RNF19B: variants seen among roughly 807,000 people sequenced by gnomAD.
The protein encoded by RNF19B is ring finger protein 19B.
In RNF19B, 23 loss-of-function variants were observed where a neutral mutation model predicts 65.5. That is an observed-to-expected ratio of 0.35 (90% confidence interval 0.25 to 0.50). The LOEUF (loss-of-function observed/expected upper bound fraction) is 0.50. Among genes scored for constraint, RNF19B ranks in the 20% least tolerant of loss-of-function variants. RNF19B has a pLI of 0.98. For synonymous variants in RNF19B, 372 were observed against 379.6 expected, an observed-to-expected ratio of 0.98 and a Z score of 0.23; for missense variants, 794 against 980.0, an observed-to-expected ratio of 0.81 and a Z score of 2.53.
At chr1:32,957,761 G>A (rs1390048813) in intron 1 of RNF19B, among the ~76,000 whole-genome samples, 2 of 152,184 alleles carry the variant, frequency 1.3e-5, no homozygotes, top group African/African-American at 2.4e-5. Flanking sequence ...TTGAACCCGA[G>A]AGGCAGAGGT....
intron 1 of RNF19B, among the ~76,000 whole-genome samples, chr1:32,950,334 G>C (rs1557574936): frequency 6.6e-6 from 1 of 152,154 alleles, no homozygotes; most frequent in Non-Finnish European, 1.5e-5. Context: ...TGGAGGTGGA[G>C]TATCTTATTT....
Position 32,936,894 on chromosome 1 carries a change from G to A in RNF19B, c.2108C>T (p.Ala703Val), listed in dbSNP as rs146339486. ...ACPSTPRAQG[A>V]PSPSAHMNLS... ...GTTCATATGGGCACTTGGGCTCGGTGCACCTTGGGCTCTGGGGGTCGAGGG... is the reference window on the plus strand; with the variant it reads ...GTTCATATGGGCACTTGGGCTCGGTACACCTTGGGCTCTGGGGGTCGAGGG... Residue 703 changes from alanine (A) to valine (V), a missense_variant, in exon 9 of 9, where the codon GCA becomes GTA. Ala to Val is a moderately conservative substitution (Grantham distance 64). Transcript: ENST00000235150. 8.7e-6 allele frequency: 14 copies of A among 1,613,690 alleles called. No individual in the cohort carries two copies. The highest frequency in any genetic ancestry group is 2.2e-5 in the East Asian group (1 of 44,874).
intron 1 of RNF19B, among the ~76,000 whole-genome samples, chr1:32,959,496 T>A (rs145782056): frequency 6.6e-6 from 1 of 152,310 alleles, no homozygotes; most frequent in African/African-American, 2.4e-5. Context: ...AAAGATCAAT[T>A]GTACCAATTA....
intron 7 of RNF19B, among the ~76,000 whole-genome samples, 160 bp downstream of exon 7, chr1:32,942,092 G>A (rs194643): frequency 0.19 from 28,512 of 152,126 alleles, 3,276 homozygotes; most frequent in East Asian, 0.33. Context: ...GTGAGACTCT[G>A]TCTTTAAAAA....
chr1:32,942,300 C>T lies in RNF19B; in HGVS notation c.1562G>A (p.Gly521Asp). ...GGAGAGAATGCCGCCACTCAGCGTG[C>T]CCCCTGAGAGGGCTGCAAAGCTGGC... ...ETASFAALSG[G>D]TLSGGILSSG... The change falls in exon 7 of 9, where the codon GGC becomes GAC. Residue 521 changes from glycine (G) to aspartate (D), a missense_variant. By Grantham distance (94) the Gly-to-Asp change is moderately conservative. Transcript: ENST00000235150. 1.9e-6 allele frequency: 3 copies of T among 1,613,592 alleles called. No homozygotes were observed. Among genetic ancestry groups the T allele is most frequent in the Non-Finnish European group, 2.5e-6 (3 of 1,179,510 alleles).
chr1:32,956,767 A>G (rs996488963), intron 1 of RNF19B, among the ~76,000 whole-genome samples: 1 of 152,088 alleles, frequency 6.6e-6, no homozygotes, highest in Non-Finnish European at 1.5e-5. Flanking sequence ...TATAAATTTG[A>G]TTATGCTCCA....
At chr1:32,944,207 G>A in intron 5 of RNF19B, 48 bp from the exon 6 acceptor site, 1 of 1,561,670 alleles carries the variant, frequency 6.4e-7, no homozygotes, top group Non-Finnish European at 8.7e-7. Context: ...GGTTGCAAGT[G>A]CCCTGAATTC....
intron 3 of RNF19B, 82 bp from the exon 4 acceptor site, chr1:32,946,646 C>T (rs1642373277): frequency 8.0e-7 from 1 of 1,245,286 alleles, no homozygotes. Flanking sequence ...CAGCAACAGC[C>T]TTCTTTTCAG....
downstream of RNF19B, among the ~76,000 whole-genome samples, chr1:32,934,766 T>G (rs1031978539): frequency 6.6e-6 from 1 of 152,212 alleles, no homozygotes; most frequent in African/African-American, 2.4e-5. Flanking sequence ...AGATTTGGAA[T>G]CTGACATCAG....
Position 32,964,066 on chromosome 1 carries a change from G to A in RNF19B, c.620C>T (p.Pro207Leu). ...CCGCGCTCACCCGCAGTCCGGGGCC[G>A]GGCACCAGCGGCAGTCGGGGTCCGA... ...LASDPDCRWC[P>L]APDCGYAVIA... The change falls in exon 1 of 9, where the codon CCG (proline) becomes CTG (leucine). Residue 207 changes from proline (P) to leucine (L), a missense_variant. By Grantham distance (98) the Pro-to-Leu change is moderately conservative. Transcript: ENST00000235150. This position sits in a 1 kb window ranked among gnomAD's most constrained non-coding sequence, Gnocchi z 6.5. 6.6e-7 allele frequency: 1 copy of A among 1,515,068 alleles called. No homozygotes were observed. Among genetic ancestry groups the A allele is most frequent in the Non-Finnish European group, 8.8e-7 (1 of 1,132,084 alleles). The allele number at this position is 1,515,068 out of a possible 1,614,324, so 93.9% of individuals were successfully genotyped here.
In RNF19B at chr1:32,964,117, T is replaced by C. The variant is rs781711792; in HGVS notation, c.569A>G (p.Glu190Gly). ...GGCTAGGTAGCGGCGCAGCATGAAC[T>C]CCTCGTACTTGTGCATAAGCGGCGG... is the stretch of plus-strand genomic sequence containing the variant. ...ADPPLMHKYE[E>G]FMLRRYLASD... The change falls in exon 1 of 9, where the codon GAG becomes GGG. Residue 190 changes from glutamate (E) to glycine (G), a missense_variant. Physicochemically the swap from Glu to Gly is moderately conservative, Grantham distance 98 (BLOSUM62 -2). Transcript: ENST00000235150. This position sits in a 1 kb window ranked among gnomAD's most constrained non-coding sequence, Gnocchi z 6.5. 1 of 1,538,508 alleles carries C rather than the reference T, an allele frequency of 6.5e-7. No homozygotes were observed.
chr1:32,948,454 G>A, intron 2 of RNF19B, 91 bp from the exon 3 acceptor site: 1 of 1,379,330 alleles, frequency 7.2e-7, no homozygotes, highest in Non-Finnish European at 9.9e-7. Flanking sequence ...TATAAGAAAT[G>A]AGGCAGCAGT....
At chr1:32,952,748 CAA>C (rs36076202) in intron 1 of RNF19B, among the ~76,000 whole-genome samples, 47,047 of 130,784 alleles carry the variant, frequency 0.36, 7,913 homozygotes, top group Admixed American at 0.45. Context: ...GACTCCATCT[CAA>C]AAAAAAAAAA....
At chr1:32,929,114 C>T in the RNF19B span, among the ~76,000 whole-genome samples, 381 of 152,220 alleles carry the variant, frequency 2.5e-3, 1 homozygote, top group Non-Finnish European at 4.8e-3. Flanking sequence ...TGGTTCCTTC[C>T]GCGGGCTGTG....
rs778536255 is a variant in RNF19B, at chr1:32,938,366, A to G, written c.1742+31T>C. 44 of 1,613,672 alleles carry G rather than the reference A, an allele frequency of 2.7e-5. 1 individual carries two copies. The South Asian group carries it at 4.6e-4, about 17-fold the overall frequency. Reference sequence around the variant, plus strand: ...ACCTAGTACCCAACGAAAAAATGCAACCTCTCCTGGACATCTGACTGTTCA... The same window carrying G: ...ACCTAGTACCCAACGAAAAAATGCAGCCTCTCCTGGACATCTGACTGTTCA... On this transcript the variant is annotated intron_variant, in intron 8 of 8. Transcript: ENST00000235150.
rs1267508799 is a variant in RNF19B, at chr1:32,964,269, G to A, written c.417C>T (p.His139=). 8 of 1,538,012 alleles carry A rather than the reference G, an allele frequency of 5.2e-6. No individual in the cohort carries two copies. Among genetic ancestry groups the A allele is most frequent in the South Asian group, 2.4e-5 (2 of 83,140 alleles). ...GGCGGAGGCAGTCCCGGCACGAGCG[G>A]TGCGGACAGCTGAGGAGGCGCGGGG... The part of the protein sequence containing the change: ...ERAPRLLSCP[H]RSCRDCLRHY... The change falls in exon 1 of 9, where the codon CAC becomes CAT. Residue 139 remains histidine (H), a synonymous_variant. Coordinates refer to ENST00000235150, the MANE Select transcript of RNF19B (RefSeq NM_001300826.2). The surrounding 1 kb of genome is among the most constrained non-coding windows in gnomAD (Gnocchi z 6.5).
intron 1 of RNF19B, among the ~76,000 whole-genome samples, chr1:32,955,414 T>C (rs1039571088): frequency 6.6e-6 from 1 of 151,770 alleles, no homozygotes; most frequent in Admixed American, 6.6e-5. Flanking sequence ...AATACGGTAA[T>C]CTTCTTCCCG....
chr1:32,962,909 C>T (rs899544878), intron 1 of RNF19B, among the ~76,000 whole-genome samples: 1 of 152,084 alleles, frequency 6.6e-6, no homozygotes, highest in South Asian at 2.1e-4. Context: ...GCGGGGAGGG[C>T]GAGGAAGGTC....
At chr1:32,958,496 C>G (rs572993458) in intron 1 of RNF19B, among the ~76,000 whole-genome samples, 2 of 152,256 alleles carry the variant, frequency 1.3e-5, no homozygotes, top group South Asian at 4.1e-4. Flanking sequence ...ATGGGTGGAT[C>G]ACGAGGTCAG....
Sources: gnomAD v4.1 joint callset for allele counts (sites outside exome capture counted in the v4.1 genomes callset) on GRCh38, gnomAD v4.1.1 for gene constraint, Gnocchi (gnomAD v3.1) non-coding constraint, MANE v1.5 for transcripts, NCBI Gene and HGNC (gene_info 2026-07-23, HGNC 2026-07-21) for gene names.